ACBD6: variants seen among roughly 807,000 people sequenced by gnomAD.
ACBD6 encodes the protein acyl-CoA binding domain containing 6.
ACBD6 carries 28 observed loss-of-function variants against 37.2 expected under a neutral mutation model. That is an observed-to-expected ratio of 0.75 (90% CI 0.56 to 1.03). ACBD6 has a LOEUF of 1.03. ACBD6 is among the 50% of genes least tolerant of loss of function. ACBD6 has a pLI of 0.00. For missense variants in ACBD6, 340 were observed against 337.4 expected, an observed-to-expected ratio of 1.01 and a Z score of -0.06; for synonymous variants, 113 against 126.8, an observed-to-expected ratio of 0.89 and a Z score of 0.73.
intron 4 of ACBD6, among the ~76,000 whole-genome samples, chr1:180,424,153 T>C (rs552339465): frequency 3.0e-4 from 46 of 152,186 alleles, no homozygotes; most frequent in Non-Finnish European, 6.3e-4. Context: ...AGCACAGTAA[T>C]TAACAGCAGC....
chr1:180,444,064 C>T (rs2102017321), intron 3 of ACBD6, among the ~76,000 whole-genome samples: 1 of 152,030 alleles, frequency 6.6e-6, no homozygotes, highest in East Asian at 1.9e-4. Flanking sequence ...CTCCACCATT[C>T]CCAGGAACAT....
At chr1:180,474,692 T>A (rs763409375) in intron 3 of ACBD6, among the ~76,000 whole-genome samples, 4 of 152,206 alleles carry the variant, frequency 2.6e-5, no homozygotes, top group South Asian at 2.1e-4. Context: ...CTAAAAACTT[T>A]TTAGCTATCG....
chr1:180,365,430 T>G (rs1558267891), intron 6 of ACBD6, among the ~76,000 whole-genome samples: 1 of 152,230 alleles, frequency 6.6e-6, no homozygotes, highest in Admixed American at 6.5e-5. Flanking sequence ...TGACTTATAC[T>G]GTTTTGTGAC....
intron 1 of ACBD6, among the ~76,000 whole-genome samples, chr1:180,501,271 A>C (rs1170419353): frequency 6.6e-6 from 1 of 152,252 alleles, no homozygotes; most frequent in Non-Finnish European, 1.5e-5. Context: ...CGAAAACATA[A>C]ATCAAAGATA....
chr1:180,435,051 G>A, intron 3 of ACBD6: 1 of 883,276 alleles, frequency 1.1e-6, no homozygotes, highest in South Asian at 1.3e-5. Context: ...GATTACCGTG[G>A]AAGGTCAGCT....
At chr1:180,426,088 C>A (rs887461935) in intron 4 of ACBD6, among the ~76,000 whole-genome samples, 18 of 152,124 alleles carry the variant, frequency 1.2e-4, no homozygotes, top group Non-Finnish European at 1.5e-5. Context: ...TATTTTCTGC[C>A]AAAACACTTC....
At chr1:180,497,857 A>C (rs1367469215) in intron 1 of ACBD6, among the ~76,000 whole-genome samples, 1 of 152,196 alleles carries the variant, frequency 6.6e-6, no homozygotes, top group Non-Finnish European at 1.5e-5. Context: ...AAAGAGAGAG[A>C]AGTATTTTAG....
At chr1:180,303,278 A>C (rs1003529870) in intron 7 of ACBD6, among the ~76,000 whole-genome samples, 2 of 147,068 alleles carry the variant, frequency 1.4e-5, no homozygotes, top group African/African-American at 4.9e-5. Flanking sequence ...AAGGAGATAG[A>C]GACACAAAAA....
At chr1:180,424,930 G>A (rs565192003) in intron 4 of ACBD6, among the ~76,000 whole-genome samples, 227 of 152,284 alleles carry the variant, frequency 1.5e-3, no homozygotes, top group African/African-American at 4.8e-3. Flanking sequence ...TGAGAGCCAG[G>A]AGACTCTTAC....
chr1:180,409,333 G>A (rs1236615138), intron 5 of ACBD6, among the ~76,000 whole-genome samples: 5 of 152,116 alleles, frequency 3.3e-5, no homozygotes, highest in Admixed American at 3.3e-4. Flanking sequence ...AAAATCAAGG[G>A]AAGCAATCAT....
chr1:180,355,621 A>G (rs1427928065), intron 6 of ACBD6, among the ~76,000 whole-genome samples: 2 of 152,100 alleles, frequency 1.3e-5, no homozygotes, highest in Non-Finnish European at 2.9e-5. Flanking sequence ...CTTCTGTACT[A>G]TATATATCTC....
chr1:180,395,387 GAAGATA>G (rs1184322724), intron 6 of ACBD6, among the ~76,000 whole-genome samples: 1 of 152,164 alleles, frequency 6.6e-6, no homozygotes, highest in Non-Finnish European at 1.5e-5. Flanking sequence ...GAGGTATTCT[GAAGATA>G]AAGACCAGAA....
At chr1:180,479,752 C>T (rs12068605) in intron 3 of ACBD6, among the ~76,000 whole-genome samples, 7 of 152,030 alleles carry the variant, frequency 4.6e-5, no homozygotes, top group Non-Finnish European at 1.0e-4. Flanking sequence ...CACTTTGAGG[C>T]GGAGGCGGGT....
At chr1:180,361,047 G>A (rs969840678) in intron 6 of ACBD6, among the ~76,000 whole-genome samples, 2 of 152,068 alleles carry the variant, frequency 1.3e-5, no homozygotes, top group African/African-American at 4.8e-5. Context: ...ATGGAATCAA[G>A]GAAATTGGAT....
At chr1:180,475,941 G>A (rs545657289) in intron 3 of ACBD6, among the ~76,000 whole-genome samples, 65 of 152,196 alleles carry the variant, frequency 4.3e-4, no homozygotes, top group African/African-American at 1.5e-3. Context: ...GGATTATTAA[G>A]AGTTTCACTA....
intron 5 of ACBD6, among the ~76,000 whole-genome samples, chr1:180,404,630 G>T (rs960955793): frequency 5.3e-5 from 8 of 151,882 alleles, no homozygotes; most frequent in African/African-American, 1.9e-4. Context: ...GCTAATTTTT[G>T]TATTTTTAGT....
At chr1:180,458,666 A>C (rs1004215409) in intron 3 of ACBD6, among the ~76,000 whole-genome samples, 1 of 152,216 alleles carries the variant, frequency 6.6e-6, no homozygotes. Context: ...GAGTTAAAAA[A>C]AGGCATAATA....
chr1:180,441,913 C>T (rs1329776072), intron 3 of ACBD6, among the ~76,000 whole-genome samples: 3 of 152,104 alleles, frequency 2.0e-5, no homozygotes, highest in Non-Finnish European at 4.4e-5. Flanking sequence ...TTTATGTATA[C>T]AATGTTGAAC....
chr1:180,338,825 A>C (rs1038892320), intron 6 of ACBD6, among the ~76,000 whole-genome samples: 2 of 152,176 alleles, frequency 1.3e-5, no homozygotes, highest in East Asian at 1.9e-4. Context: ...AACTCAAACA[A>C]ATTTATAAGA....
Sources: allele counts gnomAD v4.1 joint callset (sites outside exome capture counted in the v4.1 genomes callset), GRCh38; gene constraint gnomAD v4.1.1; transcripts MANE v1.5; gene names NCBI Gene and HGNC (gene_info 2026-07-23, HGNC 2026-07-21).